The following BORCS5 variants were observed in gnomAD, a reference collection of about 807,000 sequenced individuals.
BORCS5 encodes the protein BLOC-1 related complex subunit 5.
BORCS5 carries 17 observed loss-of-function variants against 22.1 expected under a neutral mutation model. The ratio of observed to expected loss-of-function variants is 0.77; its 90% confidence interval spans 0.53 to 1.15. BORCS5 has a LOEUF of 1.15. Among genes scored for constraint, BORCS5 ranks in the 50% most tolerant of loss-of-function variants. The pLI is 0.00. For missense variants in BORCS5, 247 were observed against 253.2 expected, an observed-to-expected ratio of 0.98 and a Z score of 0.17; for synonymous variants, 117 against 99.8, an observed-to-expected ratio of 1.17 and a Z score of -1.03.
At chr12:12,457,796 C>G (rs1943025702) in intron 3 of BORCS5, among the ~76,000 whole-genome samples, 3 of 152,198 alleles carry the variant, frequency 2.0e-5, no homozygotes, top group African/African-American at 7.2e-5. Flanking sequence ...CAAATTTAAG[C>G]CAGTGGATCT....
rs939244928 is a variant in BORCS5 at position 12,456,766 on chromosome 12, G to A, written c.361-8780G>A. On this transcript the variant is annotated intron_variant, in intron 3 of 3. Transcript: ENST00000314565. ...AATGATTTCAGTTATTACGTAGTGC[G>A]AAATGATTCTATCAGGAAACTGTGG... Among the ~76,000 whole-genome samples the A allele has an allele frequency of 7.9e-5, 12 of 151,844 alleles. No homozygotes were observed. The East Asian group carries it at 2.3e-3, about 29-fold the overall frequency.
intron 2 of BORCS5, among the ~76,000 whole-genome samples, chr12:12,406,785 G>A (rs927046983): frequency 1.3e-5 from 2 of 148,852 alleles, no homozygotes; most frequent in African/African-American, 4.9e-5. Flanking sequence ...CTGTGAGCAT[G>A]TGTTAAACAC....
At chr12:12,441,940 C>T (rs915948578) in intron 3 of BORCS5, among the ~76,000 whole-genome samples, 2 of 152,054 alleles carry the variant, frequency 1.3e-5, no homozygotes, top group African/African-American at 2.4e-5. Context: ...TACATGGCTG[C>T]CTCTGATTTG....
intron 2 of BORCS5, among the ~76,000 whole-genome samples, chr12:12,421,661 G>C (rs1942124993): frequency 1.3e-5 from 2 of 152,126 alleles, no homozygotes; most frequent in South Asian, 2.1e-4. Flanking sequence ...GTAGAATTTG[G>C]CTGTGAATCC....
At chr12:12,413,389 G>C (rs1180085206) in intron 2 of BORCS5, among the ~76,000 whole-genome samples, 2 of 142,874 alleles carry the variant, frequency 1.4e-5, no homozygotes, top group African/African-American at 5.4e-5. Flanking sequence ...GAGAGCACAG[G>C]GTTGGGGATA....
intron 1 of BORCS5, among the ~76,000 whole-genome samples, chr12:12,357,718 G>A (rs139657228): frequency 6.6e-6 from 1 of 152,102 alleles, no homozygotes; most frequent in Non-Finnish European, 1.5e-5. Context: ...CAGCGTGGGC[G>A]CCAGTGCCCT....
intron 3 of BORCS5, among the ~76,000 whole-genome samples, chr12:12,463,261 G>T (rs1205826948): frequency 1.3e-5 from 2 of 152,190 alleles, no homozygotes; most frequent in Non-Finnish European, 2.9e-5. Context: ...GCAAAGGTCA[G>T]AGACATCAAA....
intron 2 of BORCS5, among the ~76,000 whole-genome samples, chr12:12,379,662 C>G (rs1036796563): frequency 6.6e-6 from 1 of 151,258 alleles, no homozygotes; most frequent in African/African-American, 2.4e-5. Flanking sequence ...CTTGAAGACC[C>G]AGAAGTAGAA....
At chr12:12,464,115 C>T (rs576068980) in intron 3 of BORCS5, among the ~76,000 whole-genome samples, 5 of 152,186 alleles carry the variant, frequency 3.3e-5, no homozygotes, top group Non-Finnish European at 7.4e-5. Context: ...CTCACTACTT[C>T]CAAAGTGCTG....
chr12:12,450,227 A>C (rs1375180141), intron 3 of BORCS5, among the ~76,000 whole-genome samples: 3 of 152,220 alleles, frequency 2.0e-5, no homozygotes, highest in African/African-American at 4.8e-5. Context: ...GCTTAGGGAT[A>C]GTGCTTGCCC....
intron 2 of BORCS5, among the ~76,000 whole-genome samples, chr12:12,368,815 T>A (rs1182972455): frequency 6.6e-6 from 1 of 152,070 alleles, no homozygotes; most frequent in Non-Finnish European, 1.5e-5. Flanking sequence ...AAATTCAGCG[T>A]ATTCCATCTT....
chr12:12,405,380 G>A (rs1390529106), intron 2 of BORCS5, among the ~76,000 whole-genome samples: 1 of 152,120 alleles, frequency 6.6e-6, no homozygotes, highest in Non-Finnish European at 1.5e-5. Flanking sequence ...TCATGGTTTG[G>A]CTACTGTATT....
chr12:12,378,606 ATT>A (rs1863708401), intron 2 of BORCS5, among the ~76,000 whole-genome samples: 1 of 142,778 alleles, frequency 7.0e-6, no homozygotes, highest in Non-Finnish European at 1.6e-5. Flanking sequence ...ATTATCACAG[ATT>A]TAAGGAGACT....
At position 12,468,156 on chromosome 12, in the gene BORCS5, C is replaced by G. The variant is rs144643029; in HGVS notation, c.*2380C>G. ...TCTGGTGAAGAAGAAACAGCCGAAC[C>G]GAGACTTTCACCAGCCCCTCTAATT... On this transcript the variant is annotated 3_prime_UTR_variant, in exon 4 of 4. Transcript: ENST00000314565. 6.6e-6 allele frequency: 1 copy of G among 152,356 alleles called. No individual in the cohort carries two copies. Among genetic ancestry groups the G allele is most frequent in the African/African-American group, 2.4e-5 (1 of 41,584 alleles). The allele number at this position is 152,356 out of a possible 1,614,324, so 9.4% of individuals were successfully genotyped here.
chr12:12,410,025 CT>C (rs1273913409), intron 2 of BORCS5, among the ~76,000 whole-genome samples: 1 of 152,082 alleles, frequency 6.6e-6, no homozygotes, highest in African/African-American at 2.4e-5. Context: ...GCATAAATGT[CT>C]TCTTTTGAGA....
rs573502307 is a variant in BORCS5 at position 12,375,961 on chromosome 12, C to T, written c.202+14612C>T. Among the ~76,000 whole-genome samples, 24 of 152,034 alleles carry T rather than the reference C, an allele frequency of 1.6e-4. No homozygotes were observed. The South Asian group carries it at 3.9e-3, about 25-fold the overall frequency. On this transcript the variant is annotated intron_variant, in intron 2 of 3. Transcript: ENST00000314565. The stretch of plus-strand genomic sequence containing the variant: ...CTGGGATTCTAGGCGTCCACCACCG[C>T]GCACAGCTAATTTCTGTATTTTTAG...
intron 2 of BORCS5, among the ~76,000 whole-genome samples, chr12:12,413,614 C>T (rs1389240791): frequency 3.6e-5 from 5 of 137,866 alleles, no homozygotes; most frequent in African/African-American, 8.5e-5. Context: ...CCAGACGGGT[C>T]GTGGCCGGGC....
chr12:12,357,168 G>T lies in BORCS5; in HGVS notation c.-284G>T, dbSNP rs1323488098. The T allele has an allele frequency of 1.3e-6, 2 of 1,529,034 alleles. No homozygotes were observed. Among genetic ancestry groups the T allele is most frequent in the Non-Finnish European group, 1.7e-6 (2 of 1,143,976 alleles). The allele number at this position is 1,529,034 out of a possible 1,614,324, so 94.7% of individuals were successfully genotyped here. A position where few individuals can be genotyped will look rare whatever the true frequency, so the allele number is the denominator to read the frequency against. On this transcript the variant is annotated 5_prime_UTR_variant, in exon 1 of 4. Coordinates refer to ENST00000314565, the MANE Select transcript of BORCS5 (RefSeq NM_058169.6). ...CGGCCGCAGGTGCGGCAAAGCCAGT[G>T]TCATCTGCCGGTTCTCTTAGGGCTC...
chr12:12,401,348 ATTAAT>A (rs1469909068), intron 2 of BORCS5, among the ~76,000 whole-genome samples: 1 of 152,194 alleles, frequency 6.6e-6, no homozygotes, highest in South Asian at 2.1e-4. Flanking sequence ...TTGCTTATTG[ATTAAT>A]TTAAAGACAA....
Sources: allele counts gnomAD v4.1 joint callset (sites outside exome capture counted in the v4.1 genomes callset), GRCh38; gene constraint gnomAD v4.1.1; transcripts MANE v1.5; gene names NCBI Gene and HGNC (gene_info 2026-07-23, HGNC 2026-07-21).